The following NINJ1 variants were observed in gnomAD, a reference collection of about 807,000 sequenced individuals.
NINJ1 encodes the protein ninjurin-1.
NINJ1 carries 6 observed loss-of-function variants against 12.7 expected under a neutral mutation model. The ratio of observed to expected loss-of-function variants is 0.47; its 90% CI spans 0.26 to 0.93. The LOEUF is 0.93. Among genes scored for constraint, NINJ1 ranks in the 40% least tolerant of loss-of-function variants. NINJ1 has a pLI of 0.15. For synonymous variants in NINJ1, 100 were observed against 96.0 expected, an observed-to-expected ratio of 1.04 and a Z score of -0.25; for missense variants, 170 against 213.0, an observed-to-expected ratio of 0.80 and a Z score of 1.26.
chr9:93,125,251 G>A, intron 2 of NINJ1, 189 bp from the exon 3 acceptor site: 3 of 550,858 alleles, frequency 5.4e-6, no homozygotes, highest in South Asian at 2.6e-5. Context: ...ATGGACAACA[G>A]CGCCCCTGGC....
intron 1 of NINJ1, among the ~76,000 whole-genome samples, chr9:93,133,644 G>A (rs1430229020): frequency 6.6e-6 from 1 of 152,226 alleles, no homozygotes; most frequent in Non-Finnish European, 1.5e-5. Flanking sequence ...ATCAAGGCAC[G>A]CATCAGATTG....
In NINJ1 at chr9:93,126,489, G is replaced by A. The variant is rs764606426; in HGVS notation, c.225C>T (p.Ala75=). 9.3e-6 allele frequency: 15 copies of A among 1,614,226 alleles called. No individual in the cohort carries two copies. Among genetic ancestry groups the A allele is most frequent in the Non-Finnish European group, 1.1e-5 (13 of 1,180,038 alleles). The change falls in exon 2 of 4, where the codon GCC becomes GCT. Residue 75 remains alanine (A), a synonymous_variant. Coordinates refer to ENST00000375446, the MANE Select transcript of NINJ1 (RefSeq NM_004148.4). ...TGAGGACCACCAGGGGCACATAGAA[G>A]GCGAAGCTGGGGCCCTGTTCCACGA... ...KAVVEQGPSF[A]FYVPLVVLIS... is the part of the protein sequence containing the mutation.
At chr9:93,129,587 C>T (rs943677309) in intron 1 of NINJ1, among the ~76,000 whole-genome samples, 3 of 152,206 alleles carry the variant, frequency 2.0e-5, no homozygotes, top group African/African-American at 7.2e-5. Context: ...CCTCCGTTGG[C>T]CTCAGTCTCC....
chr9:93,122,776 C>T (rs1025699081), intron 3 of NINJ1, among the ~76,000 whole-genome samples: 2 of 152,176 alleles, frequency 1.3e-5, no homozygotes, highest in Non-Finnish European at 2.9e-5. Flanking sequence ...CTTTGGCCTC[C>T]GAGCCTCTGA....
chr9:93,131,926 GA>G (rs939092026), intron 1 of NINJ1, among the ~76,000 whole-genome samples: 3 of 152,192 alleles, frequency 2.0e-5, no homozygotes, highest in African/African-American at 7.2e-5. Context: ...CCATTTTACA[GA>G]AAAGGAAACT....
chr9:93,122,993 C>T (rs951684770), intron 3 of NINJ1, among the ~76,000 whole-genome samples: 1 of 152,256 alleles, frequency 6.6e-6, no homozygotes, highest in African/African-American at 2.4e-5. Flanking sequence ...TAACTACAAA[C>T]TGGAGGCAGC....
Position 93,134,247 on chromosome 9 carries a change from G to C in NINJ1, c.-30C>G. 3.6e-6 allele frequency: 5 copies of C among 1,401,428 alleles called. No homozygotes were observed. Among genetic ancestry groups the C allele is most frequent in the South Asian group, 1.4e-5 (1 of 71,304 alleles). 86.8% of individuals were successfully genotyped at this position (1,401,428 alleles called of 1,614,324 possible). A position where few individuals can be genotyped will look rare whatever the true frequency, so the allele number is the denominator to read the frequency against. ...CGGCCGCCCAGGCCGCCAGGATCCGGGCCTGAGCGCGCCCGAGCCTCAGCC... is the reference window on the plus strand; with the variant it reads ...CGGCCGCCCAGGCCGCCAGGATCCGCGCCTGAGCGCGCCCGAGCCTCAGCC... On this transcript the variant is annotated 5_prime_UTR_variant, in exon 1 of 4. Transcript: ENST00000375446.
chr9:93,134,214 C>A lies in NINJ1; in HGVS notation c.4G>T (p.Asp2Tyr). ...AGCTCGTACTCCTCGGTTCCCGAGT[C>A]CATGGTGCGGCCGCCCAGGCCGCCA... is the stretch of plus-strand genomic sequence containing the variant. The part of the protein sequence containing the change: M[D>Y]SGTEEYELNG... Residue 2 changes from aspartate to tyrosine, a missense_variant, in exon 1 of 4, where the codon GAC becomes TAC. Coordinates refer to ENST00000375446, the MANE Select transcript of NINJ1 (RefSeq NM_004148.4). The A allele has an allele frequency of 1.3e-6, 2 of 1,495,526 alleles. No individual in the cohort carries two copies. The highest frequency in any genetic ancestry group is 1.8e-6 in the Non-Finnish European group (2 of 1,114,928). The allele number at this position is 1,495,526 out of a possible 1,614,324, so 92.6% of individuals were successfully genotyped here.
intron 1 of NINJ1, among the ~76,000 whole-genome samples, chr9:93,130,294 C>A (rs1355381552): frequency 6.6e-6 from 1 of 152,164 alleles, no homozygotes; most frequent in African/African-American, 2.4e-5. Context: ...GGCTGGGCCA[C>A]ACGGTCGGTC....
chr9:93,126,590 C>T lies in NINJ1; in HGVS notation c.124G>A (p.Ala42Thr), dbSNP rs145421928. The change falls in exon 2 of 4, where the codon GCC (alanine) becomes ACC (threonine). Residue 42 changes from alanine to threonine, a missense_variant. Physicochemically the swap from Ala to Thr is moderately conservative, Grantham distance 58. Coordinates refer to ENST00000375446, the MANE Select transcript of NINJ1 (RefSeq NM_004148.4). ...CTCTCGGCTGCGCTCTTCTTGCTGG[C>T]GTAATGGTTCACGTTGATGGGCCCG... ...RHGPINVNHY[A>T]SKKSAAESML... The T allele has an allele frequency of 6.8e-4, 1,095 of 1,613,108 alleles. No individual in the cohort carries two copies. Among genetic ancestry groups the T allele is most frequent in the Non-Finnish European group, 8.0e-4 (945 of 1,179,566 alleles).
rs200780440 is a variant in NINJ1, at chr9:93,126,614, C to T, written c.100G>A (p.Gly34Arg). ...ASPARWGWRHGPINVNHYASK... is the reference protein window; with the variant it reads ...ASPARWGWRHRPINVNHYASK... ...GCGTAATGGTTCACGTTGATGGGCC[C>T]GTGCCTCCAGCCCCAGCGGGCCGGC... is the stretch of plus-strand genomic sequence containing the variant. The change falls in exon 2 of 4, where the codon GGG becomes AGG. Residue 34 changes from glycine (G) to arginine (R), a missense_variant. Coordinates refer to ENST00000375446, the MANE Select transcript of NINJ1 (RefSeq NM_004148.4). 7.5e-6 allele frequency: 12 copies of T among 1,605,318 alleles called. No homozygotes were observed. In the East Asian group the frequency reaches 1.1e-4, roughly 15 times the overall value.
chr9:93,124,983 G>A lies in NINJ1; in HGVS notation c.384C>T (p.Ile128=), dbSNP rs1028222571. The part of the protein sequence containing the change: ...LNNLATGLVF[I]IVVVNIFITA... Reference sequence around the variant, plus strand: ...TGATGAAGATGTTGACTACCACGATGATGAACACCAGGCCCGTGGCCAGGT... The same window carrying A: ...TGATGAAGATGTTGACTACCACGATAATGAACACCAGGCCCGTGGCCAGGT... The change falls in exon 3 of 4, where the codon ATC becomes ATT. Residue 128 remains isoleucine (I), a synonymous_variant. Coordinates refer to ENST00000375446, the MANE Select transcript of NINJ1 (RefSeq NM_004148.4). 1 of 1,614,152 alleles carries A rather than the reference G, an allele frequency of 6.2e-7. No homozygotes were observed. Among genetic ancestry groups the A allele is most frequent in the Non-Finnish European group, 8.5e-7 (1 of 1,179,976 alleles).
intron 3 of NINJ1, among the ~76,000 whole-genome samples, chr9:93,124,582 C>CT (rs11434963): frequency 0.81 from 121,679 of 149,392 alleles, 49,493 homozygotes; most frequent in East Asian, 0.88. Flanking sequence ...ACCCAGAAAT[C>CT]TTTTTTTTTT....
chr9:93,132,560 C>A, intron 1 of NINJ1, among the ~76,000 whole-genome samples: 1 of 152,264 alleles, frequency 6.6e-6, no homozygotes, highest in East Asian at 1.9e-4. Flanking sequence ...AGAAAGCCTT[C>A]CCTGACCACC....
In NINJ1 at chr9:93,126,501, G is replaced by A. The variant is rs1827811154; in HGVS notation, c.213C>T (p.Gly71=). The A allele has an allele frequency of 6.2e-7, 1 of 1,614,094 alleles. No individual in the cohort carries two copies. The highest frequency in any genetic ancestry group is 1.7e-5 in the Admixed American group (1 of 60,006). Residue 71 remains glycine, a synonymous_variant, in exon 2 of 4, where the codon GGC becomes GGT. Transcript: ENST00000375446. ...ASQLKAVVEQ[G]PSFAFYVPLV... is the part of the protein sequence containing the mutation. Reference sequence around the variant, plus strand: ...GGGGCACATAGAAGGCGAAGCTGGGGCCCTGTTCCACGACGGCCTTCAGCT... The same window carrying A: ...GGGGCACATAGAAGGCGAAGCTGGGACCCTGTTCCACGACGGCCTTCAGCT...
chr9:93,133,415 T>C (rs1827926764), intron 1 of NINJ1, among the ~76,000 whole-genome samples: 1 of 152,240 alleles, frequency 6.6e-6, no homozygotes, highest in African/African-American at 2.4e-5. Context: ...TGCCAGGACC[T>C]TGCAACAAAC....
chr9:93,129,141 T>G (rs1827854673), intron 1 of NINJ1, among the ~76,000 whole-genome samples: 1 of 151,054 alleles, frequency 6.6e-6, no homozygotes, highest in African/African-American at 2.4e-5. Flanking sequence ...GCTGTCCTCA[T>G]GCCCACTTAA....
At position 93,124,849 on chromosome 9, in the gene NINJ1, C is replaced by G. The variant is rs561305331; in HGVS notation, c.*9+50G>C. The G allele has an allele frequency of 6.4e-4, 989 of 1,541,244 alleles. 1 individual carries two copies. Among genetic ancestry groups the G allele is most frequent in the Non-Finnish European group, 7.5e-4 (860 of 1,143,164 alleles). ...CTCACCACACTGCAAGAGCCTCCAA[C>G]AGCGAGCAACCCCAGGACTGCAGGC... On this transcript the variant is annotated intron_variant, in intron 3 of 3. Coordinates refer to ENST00000375446, the MANE Select transcript of NINJ1 (RefSeq NM_004148.4).
intron 2 of NINJ1, 115 bp downstream of exon 2, chr9:93,126,295 C>T (rs1827807926): frequency 2.4e-6 from 2 of 828,256 alleles, no homozygotes; most frequent in Admixed American, 2.7e-5. Flanking sequence ...GGGCCAGGAA[C>T]TCGGCAGCTC....
Sources: allele counts gnomAD v4.1 joint callset (sites outside exome capture counted in the v4.1 genomes callset), GRCh38; gene constraint gnomAD v4.1.1; transcripts MANE v1.5; gene names NCBI Gene and HGNC (gene_info 2026-07-23, HGNC 2026-07-21).